The following DAB1 variants were observed in gnomAD, a reference collection of about 807,000 sequenced individuals.
DAB1 encodes DAB adaptor protein 1, also known as disabled homolog 1.
Under a neutral mutation model 64.6 loss-of-function variants are expected in DAB1, and 15 were observed. The observed-to-expected ratio is 0.23, with a 90% CI of 0.16 to 0.36. The LOEUF (loss-of-function observed/expected upper bound fraction) is 0.36. Among genes scored for constraint, DAB1 ranks in the 10% least tolerant of loss-of-function variants. The pLI is 1.00. For missense variants in DAB1, 596 were observed against 706.7 expected (o/e 0.84, Z 1.78); for synonymous variants, 235 against 251.9 (o/e 0.93, Z 0.64).
chr1:57,493,247 A>G (rs1355286715), intron 7 of DAB1, among the ~76,000 whole-genome samples: 2 of 152,012 alleles, frequency 1.3e-5, no homozygotes, highest in African/African-American at 4.8e-5. Context: ...CATTATCACC[A>G]TCCATCTCCA....
At chr1:57,315,858 T>C (rs955302587) in intron 1 of DAB1, among the ~76,000 whole-genome samples, 2 of 152,228 alleles carry the variant, frequency 1.3e-5, no homozygotes, top group Admixed American at 6.5e-5. Flanking sequence ...GGTTTTCCTA[T>C]GTTGGAAGAC....
chr1:57,522,167 C>T (rs532922352), intron 7 of DAB1, among the ~76,000 whole-genome samples: 63 of 152,160 alleles, frequency 4.1e-4, no homozygotes, highest in African/African-American at 1.5e-3. Flanking sequence ...TATTTGGAGG[C>T]ACTAGATTCC....
intron 1 of DAB1, among the ~76,000 whole-genome samples, chr1:57,316,698 A>G (rs1352422345): frequency 1.3e-5 from 2 of 152,242 alleles, no homozygotes; most frequent in Non-Finnish European, 2.9e-5. Context: ...AAAGTTGTTC[A>G]GTGAGAACCA....
chr1:57,879,340 C>T (rs915513055), intron 1 of DAB1, among the ~76,000 whole-genome samples: 5 of 152,100 alleles, frequency 3.3e-5, no homozygotes, highest in African/African-American at 1.2e-4. Context: ...CTTCAAAGAC[C>T]TTAGAGGCCA....
intron 2 of DAB1, among the ~76,000 whole-genome samples, chr1:57,246,050 G>C (rs1668848218): frequency 6.6e-6 from 1 of 152,224 alleles, no homozygotes; most frequent in Non-Finnish European, 1.5e-5. Flanking sequence ...TTTGCAGCCT[G>C]ACTAGGTGGT....
chr1:57,751,847 A>AAT (rs1034180619), intron 6 of DAB1, among the ~76,000 whole-genome samples: 2 of 152,112 alleles, frequency 1.3e-5, no homozygotes, highest in African/African-American at 4.8e-5. Context: ...TAAATAAATA[A>AAT]ATAAATAAAT....
At chr1:57,502,318 CAAAAAAAAAAAA>C (rs10649147) in intron 7 of DAB1, among the ~76,000 whole-genome samples, 3 of 94,238 alleles carry the variant, frequency 3.2e-5, no homozygotes, top group African/African-American at 7.4e-5. Context: ...GAGTCCGTCT[CAAAAAAAAAAAA>C]AAAAAAAAGA....
chr1:57,188,641 G>A (rs1405653404), intron 2 of DAB1, among the ~76,000 whole-genome samples: 1 of 102,948 alleles, frequency 9.7e-6, no homozygotes, highest in Non-Finnish European at 2.0e-5. Context: ...TGCTTTCCCA[G>A]CATATCTACA....
At chr1:58,251,539 C>A (rs191015339) in intron 4 of DAB1, among the ~76,000 whole-genome samples, 1 of 152,200 alleles carries the variant, frequency 6.6e-6, no homozygotes. Flanking sequence ...GATAAGGAAC[C>A]AGTCATTAGA....
chr1:58,169,340 C>T (rs1441089147), intron 4 of DAB1, among the ~76,000 whole-genome samples: 1 of 152,066 alleles, frequency 6.6e-6, no homozygotes, highest in East Asian at 1.9e-4. Flanking sequence ...GTCCAGGGAC[C>T]ATTGTGGGTT....
chr1:57,514,020 G>A (rs1301757431), intron 7 of DAB1, among the ~76,000 whole-genome samples: 1 of 152,198 alleles, frequency 6.6e-6, no homozygotes, highest in Non-Finnish European at 1.5e-5. Context: ...ACAAATGACA[G>A]AATTTCCTTC....
At chr1:57,248,894 G>A (rs1669107442) in intron 2 of DAB1, among the ~76,000 whole-genome samples, 1 of 152,164 alleles carries the variant, frequency 6.6e-6, no homozygotes, top group Non-Finnish European at 1.5e-5. Flanking sequence ...ATCCAGTTGA[G>A]TCCCTTGCAG....
intron 4 of DAB1, among the ~76,000 whole-genome samples, chr1:57,129,091 G>A (rs1443002298): frequency 6.6e-6 from 1 of 152,144 alleles, no homozygotes; most frequent in African/African-American, 2.4e-5. Context: ...AACTAGCTTA[G>A]AAAATACTAC....
At chr1:58,515,858 T>C (rs1295235496) in intron 2 of DAB1, among the ~76,000 whole-genome samples, 3 of 152,230 alleles carry the variant, frequency 2.0e-5, no homozygotes, top group Non-Finnish European at 4.4e-5. Flanking sequence ...GTAGATTAAA[T>C]TAGCTCCAAT....
intron 1 of DAB1, among the ~76,000 whole-genome samples, chr1:57,862,043 A>G (rs543201904): frequency 6.6e-6 from 1 of 152,266 alleles, no homozygotes; most frequent in South Asian, 2.1e-4. Flanking sequence ...TACAATGGAA[A>G]ATAATTCACT....
At chr1:58,394,047 A>G (rs1323706533) in intron 3 of DAB1, among the ~76,000 whole-genome samples, 2 of 152,164 alleles carry the variant, frequency 1.3e-5, no homozygotes, top group African/African-American at 4.8e-5. Context: ...AATACTTGTA[A>G]CTCAGTAATA....
chr1:57,237,081 C>T (rs1668142941), intron 2 of DAB1, among the ~76,000 whole-genome samples: 1 of 152,156 alleles, frequency 6.6e-6, no homozygotes, highest in Admixed American at 6.5e-5. Flanking sequence ...GTTTCTGTCC[C>T]CATTTTCTCC....
intron 3 of DAB1, among the ~76,000 whole-genome samples, chr1:57,140,472 C>G (rs1361274154): frequency 2.6e-5 from 4 of 152,158 alleles, no homozygotes; most frequent in Non-Finnish European, 5.9e-5. Flanking sequence ...CTACAATCCT[C>G]TCTTCTTTAA....
intron 5 of DAB1, among the ~76,000 whole-genome samples, chr1:57,992,517 C>T: frequency 6.6e-6 from 1 of 152,146 alleles, no homozygotes; most frequent in Non-Finnish European, 1.5e-5. Context: ...TGCACTTTCT[C>T]AGTCTGGCCC....
Sources: allele counts gnomAD v4.1 joint callset (sites outside exome capture counted in the v4.1 genomes callset), GRCh38; gene constraint gnomAD v4.1.1; transcripts MANE v1.5; gene names NCBI Gene and HGNC (gene_info 2026-07-23, HGNC 2026-07-21).